The following RHOH variants were observed in gnomAD, a reference collection of about 807,000 sequenced individuals.
RHOH encodes rho-related GTP-binding protein RhoH.
A neutral mutation model predicts 13.8 loss-of-function variants in RHOH; 6 were observed. The observed-to-expected ratio is 0.44, with a 90% confidence interval of 0.24 to 0.86. The LOEUF is 0.86. Among genes scored for constraint, RHOH ranks in the 40% least tolerant of loss-of-function variants. The pLI is 0.24. For synonymous variants in RHOH, 117 were observed against 103.0 expected (o/e 1.14, Z -0.82); for missense variants, 147 against 244.5 (o/e 0.60, Z 2.66).
rs556065363 is a variant in RHOH, at chr4:40,218,308, A to G, written c.-331+21008A>G. ...CCGAGAGCTCTCTCAGGTATTTATTATATGCACGTTCTGTCTACAATGACC... is the reference window on the plus strand; with the variant it reads ...CCGAGAGCTCTCTCAGGTATTTATTGTATGCACGTTCTGTCTACAATGACC... On this transcript the variant is annotated intron_variant, in intron 1 of 2. Transcript: ENST00000381799. The surrounding 1 kb of genome is among the most constrained non-coding windows in gnomAD (Gnocchi z 4.1). 4 of 152,306 alleles carry G rather than the reference A, an allele frequency of 2.6e-5. 1 individual carries two copies. In the South Asian group the frequency reaches 8.3e-4, roughly 32 times the overall value. The allele number at this position is 152,306 out of a possible 1,614,324, so 9.4% of individuals were successfully genotyped here. A position where few individuals can be genotyped will look rare whatever the true frequency, so the allele number is the denominator to read the frequency against.
At chr4:40,203,205 C>G (rs1041885780) in intron 1 of RHOH, among the ~76,000 whole-genome samples, 1 of 152,160 alleles carries the variant, frequency 6.6e-6, no homozygotes, top group South Asian at 2.1e-4. Flanking sequence ...ATCTCCTGAC[C>G]TCGTGATCCG....
intron 1 of RHOH, among the ~76,000 whole-genome samples, chr4:40,200,145 C>T (rs1475880840): frequency 6.6e-6 from 1 of 152,012 alleles, no homozygotes; most frequent in Non-Finnish European, 1.5e-5. Flanking sequence ...AGGAGGGTGT[C>T]AGAGATGGAA....
At chr4:40,215,885 A>G (rs1229745338) in intron 1 of RHOH, among the ~76,000 whole-genome samples, 1 of 152,198 alleles carries the variant, frequency 6.6e-6, no homozygotes, top group Non-Finnish European at 1.5e-5. Context: ...ACGCCACTGC[A>G]GTCCAGCCTG....
intron 1 of RHOH, among the ~76,000 whole-genome samples, chr4:40,198,900 G>C (rs1479138922): frequency 6.6e-6 from 1 of 151,992 alleles, no homozygotes; most frequent in East Asian, 1.9e-4. Context: ...GTTGTTTAGA[G>C]AGTCAGTAGA....
intron 1 of RHOH, among the ~76,000 whole-genome samples, chr4:40,211,615 G>T (rs539577029): frequency 6.6e-6 from 1 of 152,244 alleles, no homozygotes; most frequent in South Asian, 2.1e-4. Flanking sequence ...ATGTCTTGGG[G>T]GTAGTTTCAC....
intron 1 of RHOH, among the ~76,000 whole-genome samples, chr4:40,231,709 A>T (rs1377680306): frequency 6.6e-6 from 1 of 152,170 alleles, no homozygotes; most frequent in African/African-American, 2.4e-5. Context: ...CTTGTCTCAC[A>T]GCATCTGCTC....
intron 1 of RHOH, among the ~76,000 whole-genome samples, chr4:40,238,781 C>G (rs13124818): frequency 6.6e-6 from 1 of 152,124 alleles, no homozygotes; most frequent in Non-Finnish European, 1.5e-5. Context: ...CTCTTCCGTA[C>G]GAAGAGACAT....
intron 1 of RHOH, among the ~76,000 whole-genome samples, chr4:40,224,107 A>C (rs1451688483): frequency 6.6e-6 from 1 of 152,110 alleles, no homozygotes; most frequent in Non-Finnish European, 1.5e-5. Context: ...AACAAAAAAA[A>C]CTGTGTGACT....
At chr4:40,211,037 C>T (rs1725206940) in intron 1 of RHOH, among the ~76,000 whole-genome samples, 1 of 152,024 alleles carries the variant, frequency 6.6e-6, no homozygotes, top group Admixed American at 6.5e-5. Flanking sequence ...CAATGCGTGC[C>T]GTAGAGAATG....
At chr4:40,219,936 A>G (rs16995644) in intron 1 of RHOH, among the ~76,000 whole-genome samples, 6,370 of 152,260 alleles carry the variant, frequency 0.042, 445 homozygotes, top group African/African-American at 0.14. Flanking sequence ...CAGCATGTGA[A>G]TTTATGTAAT....
At chr4:40,224,373 G>T (rs1345743539) in intron 1 of RHOH, among the ~76,000 whole-genome samples, 2 of 152,170 alleles carry the variant, frequency 1.3e-5, no homozygotes, top group Non-Finnish European at 2.9e-5. Context: ...TGCATATCTT[G>T]ACTACTTGTG....
chr4:40,202,829 C>T (rs762473723), intron 1 of RHOH, among the ~76,000 whole-genome samples: 23 of 152,006 alleles, frequency 1.5e-4, no homozygotes, highest in Non-Finnish European at 2.8e-4. Flanking sequence ...GACAAGGAGA[C>T]GCTGATCTCA....
chr4:40,234,968 C>G (rs774094077), intron 1 of RHOH, among the ~76,000 whole-genome samples: 4 of 152,052 alleles, frequency 2.6e-5, no homozygotes, highest in Non-Finnish European at 4.4e-5. Context: ...TGAAAGTACA[C>G]TGACTTAAAA....
Position 40,218,474 on chromosome 4 carries a change from G to A in RHOH, c.-331+21174G>A, listed in dbSNP as rs1006838041. On this transcript the variant is annotated intron_variant, in intron 1 of 2. Coordinates refer to ENST00000381799, the MANE Select transcript of RHOH (RefSeq NM_004310.5). The surrounding 1 kb of genome is among the most constrained non-coding windows in gnomAD (Gnocchi z 4.1). ...TGCTAGGGCCCCCTGTGCTTAGCTC[G>A]GCTAATGAGCCCAGGCTGAGGGCTT... Among the ~76,000 whole-genome samples the A allele has an allele frequency of 2.0e-5, 3 of 152,126 alleles. No individual in the cohort carries two copies. Among genetic ancestry groups the A allele is most frequent in the Admixed American group, 6.5e-5 (1 of 15,270 alleles).
At chr4:40,200,247 C>T (rs2109353898) in intron 1 of RHOH, 1 of 152,296 alleles carries the variant, frequency 6.6e-6, no homozygotes, top group Admixed American at 6.5e-5. Flanking sequence ...GCTTGAATGC[C>T]CTGAACAACC....
chr4:40,204,598 A>C (rs889341361), intron 1 of RHOH, among the ~76,000 whole-genome samples: 1 of 152,026 alleles, frequency 6.6e-6, no homozygotes, highest in Non-Finnish European at 1.5e-5. Context: ...CCATTCATGG[A>C]CTCTCAGGGA....
intron 1 of RHOH, among the ~76,000 whole-genome samples, chr4:40,227,817 G>A (rs1046072982): frequency 6.6e-6 from 1 of 152,158 alleles, no homozygotes; most frequent in Non-Finnish European, 1.5e-5. Context: ...AGAAACAGAT[G>A]AGAAAATTTT....
At chr4:40,226,526 CAAAAAA>C (rs892642366) in intron 1 of RHOH, among the ~76,000 whole-genome samples, 9 of 133,066 alleles carry the variant, frequency 6.8e-5, no homozygotes, top group Non-Finnish European at 9.5e-5. Context: ...AACTCCATCT[CAAAAAA>C]AAAAAAAAAA....
At chr4:40,191,579 T>G (rs981805343), upstream of RHOH, among the ~76,000 whole-genome samples, 7 of 152,206 alleles carry the variant, frequency 4.6e-5, no homozygotes, top group African/African-American at 1.7e-4. Context: ...TAGAAAAAGT[T>G]GTATCATAAC....
Sources: allele counts gnomAD v4.1 joint callset (sites outside exome capture counted in the v4.1 genomes callset), GRCh38; gene constraint gnomAD v4.1.1; non-coding constraint Gnocchi (gnomAD v3.1); transcripts MANE v1.5; gene names NCBI Gene and HGNC (gene_info 2026-07-23, HGNC 2026-07-21).